SLCO6A1: variants seen among roughly 807,000 people sequenced by gnomAD.
SLCO6A1 encodes the protein cancer/testis antigen 48.
Under a neutral mutation model 72.7 loss-of-function variants are expected in SLCO6A1, and 65 were observed. That is an observed-to-expected ratio of 0.89 (90% CI 0.73 to 1.10). The LOEUF (loss-of-function observed/expected upper bound fraction) is 1.10. Ranked by LOEUF, SLCO6A1 falls within the 50% of genes least tolerant of loss-of-function variation. The probability of loss-of-function intolerance (pLI) is 0.00; values close to 1 mark genes in which losing one functional copy is unlikely to be tolerated. For synonymous variants in SLCO6A1, 314 were observed against 298.2 expected, an observed-to-expected ratio of 1.05 and a Z score of -0.55; for missense variants, 874 against 872.6, an observed-to-expected ratio of 1.00 and a Z score of -0.02.
chr5:102,465,302 TA>T (rs1751255047), intron 4 of SLCO6A1, among the ~76,000 whole-genome samples: 1 of 132,538 alleles, frequency 7.5e-6, no homozygotes, highest in African/African-American at 2.8e-5. Context: ...CAACAATTTC[TA>T]GGAGTTAGTG....
chr5:102,395,513 G>A (rs1301934864), intron 10 of SLCO6A1, among the ~76,000 whole-genome samples: 5 of 152,130 alleles, frequency 3.3e-5, no homozygotes, highest in East Asian at 1.9e-4. Context: ...ATGTGCATGT[G>A]TCTTTATAGC....
At chr5:102,372,806 A>C (rs1407075066) in intron 13 of SLCO6A1, among the ~76,000 whole-genome samples, 1 of 151,882 alleles carries the variant, frequency 6.6e-6, no homozygotes, top group Non-Finnish European at 1.5e-5. Context: ...TAACCAAAGA[A>C]ATTTTCTGAG....
At chr5:102,419,498 CA>C (rs1341521395) in intron 8 of SLCO6A1, among the ~76,000 whole-genome samples, 3 of 152,178 alleles carry the variant, frequency 2.0e-5, no homozygotes, top group African/African-American at 7.2e-5. Context: ...TTCAGAAACA[CA>C]AGGTAAGACT....
chr5:102,473,151 G>A (rs1399060721), intron 4 of SLCO6A1, among the ~76,000 whole-genome samples: 1 of 151,840 alleles, frequency 6.6e-6, no homozygotes, highest in Non-Finnish European at 1.5e-5. Context: ...CTCTAATACT[G>A]AACCTAGAAA....
chr5:102,466,939 G>T (rs1751343157), intron 4 of SLCO6A1, among the ~76,000 whole-genome samples: 1 of 151,730 alleles, frequency 6.6e-6, no homozygotes, highest in South Asian at 2.1e-4. Flanking sequence ...ATGCATGTTT[G>T]TTAAAATTTT....
At chr5:102,468,198 A>G (rs1008374404) in intron 4 of SLCO6A1, among the ~76,000 whole-genome samples, 2 of 152,068 alleles carry the variant, frequency 1.3e-5, no homozygotes, top group Admixed American at 6.6e-5. Context: ...CTGAGAGGAT[A>G]CTTGATATGC....
chr5:102,478,398 G>A (rs775387863), intron 2 of SLCO6A1, among the ~76,000 whole-genome samples: 1 of 152,240 alleles, frequency 6.6e-6, no homozygotes, highest in Non-Finnish European at 1.5e-5. Flanking sequence ...CGTTATCAAA[G>A]AGTACTTTCT....
chr5:102,403,003 T>C (rs1191350692), intron 9 of SLCO6A1, among the ~76,000 whole-genome samples: 1 of 152,188 alleles, frequency 6.6e-6, no homozygotes. Context: ...GTAGCTTATT[T>C]GATGAAAAAA....
At chr5:102,494,881 T>C (rs956113266) in intron 1 of SLCO6A1, among the ~76,000 whole-genome samples, 2 of 152,222 alleles carry the variant, frequency 1.3e-5, no homozygotes, top group African/African-American at 4.8e-5. Context: ...CCAGCAATTA[T>C]ATTCCTAGTT....
intron 4 of SLCO6A1, among the ~76,000 whole-genome samples, chr5:102,462,184 G>A (rs557473902): frequency 3.9e-5 from 6 of 152,244 alleles, no homozygotes; most frequent in African/African-American, 1.4e-4. Context: ...AACCAAGGAG[G>A]TGAAAGACCT....
intron 1 of SLCO6A1, among the ~76,000 whole-genome samples, chr5:102,490,920 G>C (rs897820122): frequency 2.0e-5 from 3 of 152,134 alleles, no homozygotes; most frequent in Non-Finnish European, 4.4e-5. Flanking sequence ...GACTCAGGGG[G>C]TTGCCACAGC....
At chr5:102,422,425 C>G (rs569696156) in intron 7 of SLCO6A1, among the ~76,000 whole-genome samples, 6 of 152,232 alleles carry the variant, frequency 3.9e-5, no homozygotes, top group Admixed American at 3.3e-4. Flanking sequence ...TAGAAAAGAA[C>G]ACAAATGATC....
chr5:102,449,465 C>A (rs974415710), intron 6 of SLCO6A1, among the ~76,000 whole-genome samples: 2 of 151,866 alleles, frequency 1.3e-5, no homozygotes, highest in African/African-American at 4.8e-5. Flanking sequence ...CGGCTCACTG[C>A]AAGCTCTGCC....
At chr5:102,399,418 T>A (rs1747275160) in intron 10 of SLCO6A1, 137 bp downstream of exon 10, 3 of 494,240 alleles carry the variant, frequency 6.1e-6, no homozygotes, top group Non-Finnish European at 9.9e-6. Flanking sequence ...ATGAATTGTG[T>A]CAATTTAACA....
At chr5:102,381,048 T>C (rs1297696867) in intron 12 of SLCO6A1, among the ~76,000 whole-genome samples, 1 of 151,986 alleles carries the variant, frequency 6.6e-6, no homozygotes, top group Non-Finnish European at 1.5e-5. Flanking sequence ...TCAATGTATT[T>C]AATATATTTA....
chr5:102,419,816 C>T lies in SLCO6A1; in HGVS notation c.1472+10G>A, dbSNP rs375288794. ...TGATGTAAAAGTCTAATATACAAGACTACATTTACCCATCATAATCTTCAT... is the reference window on the plus strand; with the variant it reads ...TGATGTAAAAGTCTAATATACAAGATTACATTTACCCATCATAATCTTCAT... On this transcript the variant is annotated intron_variant, in intron 8 of 13. Transcript: ENST00000506729. The T allele has an allele frequency of 3.2e-6, 5 of 1,579,216 alleles. No homozygotes were observed. The highest frequency in any genetic ancestry group is 1.8e-4 in the Middle Eastern group (1 of 5,456).
intron 4 of SLCO6A1, among the ~76,000 whole-genome samples, chr5:102,461,080 A>G (rs1247151426): frequency 2.6e-5 from 4 of 151,408 alleles, no homozygotes; most frequent in Admixed American, 1.3e-4. Context: ...CTAACTATAT[A>G]CATTATATTA....
intron 6 of SLCO6A1, among the ~76,000 whole-genome samples, chr5:102,440,775 GTAGA>G (rs1181918726): frequency 6.6e-6 from 1 of 152,168 alleles, no homozygotes; most frequent in East Asian, 1.9e-4. Flanking sequence ...TTATGCAGAA[GTAGA>G]TAACATAATC....
intron 1 of SLCO6A1, among the ~76,000 whole-genome samples, chr5:102,495,419 C>T (rs908032028): frequency 6.7e-6 from 1 of 149,768 alleles, no homozygotes; most frequent in Non-Finnish European, 1.5e-5. Context: ...TACGGTGAAA[C>T]CCCATCTCTA....
Sources: allele counts gnomAD v4.1 joint callset (sites outside exome capture counted in the v4.1 genomes callset), GRCh38; gene constraint gnomAD v4.1.1; transcripts MANE v1.5; gene names NCBI Gene and HGNC (gene_info 2026-07-23, HGNC 2026-07-21).